The following DGKB variants were observed in gnomAD, a reference collection of about 807,000 sequenced individuals.
DGKB encodes 90 kDa diacylglycerol kinase.
DGKB carries 67 observed loss-of-function variants against 114.3 expected under a neutral mutation model. The observed-to-expected ratio is 0.59, with a 90% CI of 0.48 to 0.72. The LOEUF (loss-of-function observed/expected upper bound fraction) is 0.72, where lower values mean the gene tolerates loss of function less well. DGKB is among the 30% of genes least tolerant of loss of function. DGKB has a pLI of 0.00. For synonymous variants in DGKB, 398 were observed against 323.1 expected, an observed-to-expected ratio of 1.23 and a Z score of -2.49; for missense variants, 907 against 975.2, an observed-to-expected ratio of 0.93 and a Z score of 0.93.
At chr7:14,269,665 G>A (rs947502327) in intron 23 of DGKB, among the ~76,000 whole-genome samples, 1 of 152,156 alleles carries the variant, frequency 6.6e-6, no homozygotes, top group African/African-American at 2.4e-5. Flanking sequence ...GCTAGATCAG[G>A]AGAAATAGTG....
At chr7:14,296,309 C>G (rs1034625556) in intron 23 of DGKB, among the ~76,000 whole-genome samples, 2 of 151,908 alleles carry the variant, frequency 1.3e-5, no homozygotes, top group Non-Finnish European at 2.9e-5. Context: ...GTATTACAGG[C>G]GTGAGCCACC....
intron 1 of DGKB, among the ~76,000 whole-genome samples, chr7:14,964,660 C>A (rs1175926186): frequency 1.3e-5 from 2 of 151,970 alleles, no homozygotes; most frequent in African/African-American, 4.8e-5. Context: ...AGGAGTTGGG[C>A]TAGTTAGGGG....
intron 23 of DGKB, among the ~76,000 whole-genome samples, chr7:14,274,116 T>G (rs1798653600): frequency 6.6e-6 from 1 of 152,254 alleles, no homozygotes; most frequent in South Asian, 2.1e-4. Context: ...GGTTCCAGGA[T>G]TTACAGTAGC....
chr7:14,281,881 T>C (rs1302076654), intron 23 of DGKB, among the ~76,000 whole-genome samples: 1 of 141,268 alleles, frequency 7.1e-6, no homozygotes, highest in Admixed American at 7.3e-5. Context: ...GGGAAATTTA[T>C]AGCACTAAAT....
At chr7:14,959,248 A>G (rs932048593) in intron 1 of DGKB, among the ~76,000 whole-genome samples, 3 of 151,846 alleles carry the variant, frequency 2.0e-5, no homozygotes, top group Non-Finnish European at 4.4e-5. Context: ...ATTTCTAGGT[A>G]CTTTATAGTT....
intron 1 of DGKB, among the ~76,000 whole-genome samples, chr7:14,935,668 A>G (rs1009567940): frequency 6.6e-5 from 10 of 152,142 alleles, no homozygotes; most frequent in Non-Finnish European, 1.3e-4. Context: ...AAGACTTTAC[A>G]GACGAATTAC....
intron 23 of DGKB, among the ~76,000 whole-genome samples, chr7:14,334,395 TGCGC>T (rs10599612): frequency 0.1 from 9,157 of 88,910 alleles, 327 homozygotes; most frequent in South Asian, 0.21. Flanking sequence ...TGTGTGTGTG[TGCGC>T]GCGCGTGTAT....
intron 1 of DGKB, among the ~76,000 whole-genome samples, chr7:14,885,564 T>C (rs749549643): frequency 7.3e-5 from 11 of 151,660 alleles, no homozygotes; most frequent in Admixed American, 7.2e-4. Context: ...AGAGATAAAA[T>C]AAAAGGTGTG....
intron 13 of DGKB, among the ~76,000 whole-genome samples, chr7:14,653,233 C>T (rs7385604): frequency 0.78 from 114,937 of 147,406 alleles, 45,231 homozygotes; most frequent in African/African-American, 0.87. Flanking sequence ...TTATTCACAA[C>T]AGCAAAGACT....
At position 14,728,254 on chromosome 7, in the gene DGKB, C is replaced by G. The variant is rs549352094; in HGVS notation, c.322+7787G>C. Among the ~76,000 whole-genome samples, 25 of 152,074 alleles carry G rather than the reference C, an allele frequency of 1.6e-4. 1 individual carries two copies. Among genetic ancestry groups the G allele is most frequent in the Non-Finnish European group, 7.4e-5 (5 of 68,010 alleles). ...AAATATCTTCTGGACCCTTTTATAC[C>G]GTCAGCCTCATTCTCCTTCATGATA... On this transcript the variant is annotated intron_variant, in intron 5 of 25. Transcript: ENST00000402815.
intron 12 of DGKB, among the ~76,000 whole-genome samples, chr7:14,674,895 G>A (rs1819586902): frequency 2.0e-5 from 3 of 152,068 alleles, no homozygotes; most frequent in Non-Finnish European, 2.9e-5. Flanking sequence ...AGAGCTATGA[G>A]TGAATACATT....
chr7:14,558,799 G>T (rs4719411), intron 20 of DGKB, among the ~76,000 whole-genome samples: 80,112 of 151,948 alleles, frequency 0.53, 21,238 homozygotes, highest in East Asian at 0.61. Flanking sequence ...GCTCTTGTGT[G>T]CCTCAGATCT....
chr7:14,625,725 G>C (rs1808453320), intron 14 of DGKB, among the ~76,000 whole-genome samples: 1 of 151,568 alleles, frequency 6.6e-6, no homozygotes, highest in African/African-American at 2.4e-5. Context: ...CAAAGAGTTG[G>C]AAAATTGTTG....
intron 17 of DGKB, among the ~76,000 whole-genome samples, chr7:14,594,391 T>C (rs1293696121): frequency 6.6e-6 from 1 of 152,104 alleles, no homozygotes; most frequent in African/African-American, 2.4e-5. Flanking sequence ...TTCTTGTAAG[T>C]TACATGACTA....
At chr7:14,910,853 T>C (rs375125537) in intron 1 of DGKB, among the ~76,000 whole-genome samples, 1 of 152,202 alleles carries the variant, frequency 6.6e-6, no homozygotes, top group South Asian at 2.1e-4. Context: ...TTAATCAGTA[T>C]AGAATATCAC....
chr7:14,177,554 C>CAAAAAAAAAAAAAAAAA (rs56019837), intron 24 of DGKB, among the ~76,000 whole-genome samples: 3 of 69,018 alleles, frequency 4.3e-5, no homozygotes, highest in Admixed American at 2.3e-4. Context: ...AACTCCGTCT[C>CAAAAAAAAAAAAAAAAA]AAAAAAAAAA....
At chr7:14,972,737 A>T (rs1787548016) in intron 1 of DGKB, among the ~76,000 whole-genome samples, 1 of 151,994 alleles carries the variant, frequency 6.6e-6, no homozygotes, top group Non-Finnish European at 1.5e-5. Flanking sequence ...TTCTTAGGAA[A>T]TTGGATTCTA....
intron 13 of DGKB, among the ~76,000 whole-genome samples, chr7:14,657,909 C>T (rs1269273271): frequency 1.3e-5 from 2 of 151,916 alleles, no homozygotes; most frequent in African/African-American, 4.8e-5. Context: ...TTCCATACTA[C>T]TGGAGCTGTG....
At chr7:14,216,078 T>C (rs1381880204) in intron 23 of DGKB, among the ~76,000 whole-genome samples, 1 of 152,150 alleles carries the variant, frequency 6.6e-6, no homozygotes, top group Non-Finnish European at 1.5e-5. Context: ...GTTTATGGCC[T>C]AATGAGTATA....
Sources: gnomAD v4.1 joint callset for allele counts (sites outside exome capture counted in the v4.1 genomes callset) on GRCh38, gnomAD v4.1.1 for gene constraint, MANE v1.5 for transcripts, NCBI Gene and HGNC (gene_info 2026-07-23, HGNC 2026-07-21) for gene names.